Variants in PGM2 observed in about 807,000 individuals in gnomAD.
PGM2 encodes the protein phosphoglucomutase 2.
In PGM2, 57 loss-of-function variants were observed where a neutral mutation model predicts 74.6. The observed-to-expected ratio is 0.76, with a 90% confidence interval of 0.62 to 0.95. PGM2 has a LOEUF of 0.95. Among genes scored for constraint, PGM2 ranks in the 40% least tolerant of loss-of-function variants. The pLI is 0.00. For synonymous variants in PGM2, 273 were observed against 260.7 expected, an observed-to-expected ratio of 1.05 and a Z score of -0.46; for missense variants, 706 against 741.9, an observed-to-expected ratio of 0.95 and a Z score of 0.56.
intron 10 of PGM2, among the ~76,000 whole-genome samples, chr4:37,848,102 C>T (rs1725929130): frequency 6.6e-6 from 1 of 152,170 alleles, no homozygotes; most frequent in Non-Finnish European, 1.5e-5. Flanking sequence ...AAATGGATGG[C>T]ACTGACCTTA....
chr4:37,844,140 A>G (rs1167209490), intron 6 of PGM2, among the ~76,000 whole-genome samples: 1 of 152,192 alleles, frequency 6.6e-6, no homozygotes, highest in Non-Finnish European at 1.5e-5. Context: ...CATAAAACAA[A>G]ACCTGAAATA....
Position 37,850,271 on chromosome 4 carries a change from C to G in PGM2, c.1500C>G (p.Tyr500Ter). 2 of 1,584,072 alleles carry G rather than the reference C, an allele frequency of 1.3e-6. No homozygotes were observed. The highest frequency in any genetic ancestry group is 1.7e-6 in the Non-Finnish European group (2 of 1,168,718). The change falls in exon 12 of 14, where the codon TAC (tyrosine) becomes TAG (stop). Residue 500 changes from tyrosine (Y) to a stop codon, truncating the protein, a stop_gained. Coordinates refer to ENST00000381967, the MANE Select transcript of PGM2 (RefSeq NM_018290.4). LOFTEE classifies it high-confidence loss of function. ...IKKLFENLRN[Y>*]DGKNNYPKAC... ...AATTATTTGAAAACCTCAGAAACTA[C>G]GATGGAAAAAATAATTATCCAAAAG...
rs993209743 is a variant in PGM2 at position 37,862,224 on chromosome 4, C to T, written c.*612C>T. On this transcript the variant is annotated 3_prime_UTR_variant, in exon 14 of 14. Transcript: ENST00000381967. ...TAATGCACATAGGATATTAGTACATCGTACACGTGCTAGGAAAAAACAGCT... is the reference window on the plus strand; with the variant it reads ...TAATGCACATAGGATATTAGTACATTGTACACGTGCTAGGAAAAAACAGCT... 4 of 152,068 alleles carry T rather than the reference C, an allele frequency of 2.6e-5. No homozygotes were observed. The highest frequency in any genetic ancestry group is 1.3e-4 in the Admixed American group (2 of 15,236). 9.4% of individuals were successfully genotyped at this position (152,068 alleles called of 1,614,324 possible).
chr4:37,851,464 G>A (rs1726037673), intron 12 of PGM2, among the ~76,000 whole-genome samples: 1 of 143,780 alleles, frequency 7.0e-6, no homozygotes, highest in African/African-American at 2.5e-5. Flanking sequence ...CACAAAGGTA[G>A]CAGAAGAGTG....
At chr4:37,830,236 G>A (rs1428318073) in intron 2 of PGM2, 105 bp downstream of exon 2, 5 of 793,074 alleles carry the variant, frequency 6.3e-6, no homozygotes, top group Non-Finnish European at 9.3e-6. Flanking sequence ...TACCAGCTTG[G>A]CTAGACACAG....
Position 37,852,163 on chromosome 4 carries a change from G to A in PGM2, c.1602+1790G>A, listed in dbSNP as rs540610885. Among the ~76,000 whole-genome samples the A allele has an allele frequency of 4.4e-4, 52 of 119,180 alleles. 1 individual carries two copies. The East Asian group carries it at 0.012, about 27-fold the overall frequency. The allele number at this position is 119,180 out of a possible 152,430, so 78.2% of individuals were successfully genotyped here. A position where few individuals can be genotyped will look rare whatever the true frequency, so the allele number is the denominator to read the frequency against. The stretch of plus-strand genomic sequence containing the variant: ...TTTTTTTTTTTTTTTTTTTTTTGGA[G>A]GGACGAGTCTCTCCCTAGGTTTCCC... On this transcript the variant is annotated intron_variant, in intron 12 of 13. Coordinates refer to ENST00000381967, the MANE Select transcript of PGM2 (RefSeq NM_018290.4).
intron 4 of PGM2, chr4:37,839,372 C>T: frequency 8.6e-6 from 3 of 349,954 alleles, no homozygotes; most frequent in Non-Finnish European, 1.7e-5. Context: ...GTCTTGGCCT[C>T]TCAAAGTGGT....
In PGM2 at chr4:37,833,184, T is replaced by C. The variant is rs1185599630; in HGVS notation, c.250-1434T>C. Reference sequence around the variant, plus strand: ...GAAGATAATCCCAGTGCAATGTATTTGTCAAGGAAAAGCTAAAGGCATTCT... The same window carrying C: ...GAAGATAATCCCAGTGCAATGTATTCGTCAAGGAAAAGCTAAAGGCATTCT... On this transcript the variant is annotated intron_variant, in intron 2 of 13. Transcript: ENST00000381967. Among the ~76,000 whole-genome samples the C allele has an allele frequency of 2.6e-5, 4 of 152,234 alleles. No homozygotes were observed. In the East Asian group the frequency reaches 7.7e-4, roughly 29 times the overall value.
Position 37,855,754 on chromosome 4 carries a change from T to A in PGM2, c.1736+13T>A. The stretch of plus-strand genomic sequence containing the variant: ...CACCTGGGAACAGGTATGATGTGGA[T>A]GGCAGCTGGTGTGATTTTTACTCCC... On this transcript the variant is annotated intron_variant, in intron 13 of 13. Coordinates refer to ENST00000381967, the MANE Select transcript of PGM2 (RefSeq NM_018290.4). 6.3e-7 allele frequency: 1 copy of A among 1,583,342 alleles called. No individual in the cohort carries two copies.
At position 37,844,550 on chromosome 4, in the gene PGM2, C is replaced by T; in HGVS notation, c.906C>T (p.Val302=). 6.3e-7 allele frequency: 1 copy of T among 1,578,118 alleles called. No homozygotes were observed. The highest frequency in any genetic ancestry group is 8.6e-7 in the Non-Finnish European group (1 of 1,161,800). ...CGAATCCCGAAGAGGGGAAAGGTGT[C>T]TTGGTAACCTAATTTTTTTTTAAAT... ...KYPNPEEGKG[V]LTLSFALADK... Residue 302 remains valine (V), a synonymous_variant, in exon 7 of 14, where the codon GTC becomes GTT. Transcript: ENST00000381967.
At chr4:37,840,483 A>C (rs533782750) in intron 6 of PGM2, among the ~76,000 whole-genome samples, 8 of 152,318 alleles carry the variant, frequency 5.3e-5, no homozygotes, top group African/African-American at 1.9e-4. Flanking sequence ...TCTGGGTTCA[A>C]GCGATTCTTG....
chr4:37,838,091 C>G (rs771088793), intron 4 of PGM2, among the ~76,000 whole-genome samples: 1 of 152,122 alleles, frequency 6.6e-6, no homozygotes, highest in East Asian at 1.9e-4. Context: ...ACGTTGGCCA[C>G]GCTAGTCTCG....
intron 7 of PGM2, among the ~76,000 whole-genome samples, chr4:37,845,280 G>T (rs990582297): frequency 6.6e-6 from 1 of 152,134 alleles, no homozygotes; most frequent in African/African-American, 2.4e-5. Context: ...GGCATTCAGA[G>T]AATCAGTTTA....
chr4:37,832,950 T>A (rs1725474384), intron 2 of PGM2, among the ~76,000 whole-genome samples: 2 of 152,132 alleles, frequency 1.3e-5, no homozygotes, highest in Admixed American at 1.3e-4. Context: ...CAGGTCCTCA[T>A]CCTCAGCAGG....
At position 37,840,202 on chromosome 4, in the gene PGM2, C is replaced by A; in HGVS notation, c.662C>A (p.Pro221Gln). ...LIDSSPLLHN[P>Q]SASINNDYFE... ...GATAGCAGTCCACTTCTCCACAATC[C>A]GAGTGCTTCCATCAATAATGACTAC... is the stretch of plus-strand genomic sequence containing the variant. Residue 221 changes from proline to glutamine, a missense_variant, in exon 6 of 14, where the codon CCG (proline) becomes CAG (glutamine). This residue lies in a region of PGM2 where 332 missense variants were observed against 334.9 expected (regional missense o/e 0.99). Coordinates refer to ENST00000381967, the MANE Select transcript of PGM2 (RefSeq NM_018290.4). 1.2e-6 allele frequency: 2 copies of A among 1,612,710 alleles called. No homozygotes were observed. Among genetic ancestry groups the A allele is most frequent in the Non-Finnish European group, 1.7e-6 (2 of 1,178,720 alleles).
intron 6 of PGM2, among the ~76,000 whole-genome samples, chr4:37,843,634 A>G (rs1281464893): frequency 6.7e-6 from 1 of 149,348 alleles, no homozygotes; most frequent in Non-Finnish European, 1.5e-5. Flanking sequence ...CCTGAGACGG[A>G]GTTTCGCTCT....
At chr4:37,852,133 CT>C (rs778968323) in intron 12 of PGM2, among the ~76,000 whole-genome samples, 2,737 of 47,244 alleles carry the variant, frequency 0.058, 48 homozygotes, top group African/African-American at 0.14. Context: ...ATGCCCAGCT[CT>C]TTTTTTTTTT....
rs369252337 is a variant in PGM2, at chr4:37,845,621, A to G, written c.910-12A>G. 2.9e-5 allele frequency: 45 copies of G among 1,557,952 alleles called. No individual in the cohort carries two copies. Among genetic ancestry groups the G allele is most frequent in the Non-Finnish European group, 3.6e-5 (41 of 1,129,090 alleles). ...TGATTAAATAATCTTTTATTTTCAT[A>G]TTCTTCTTCAGACTTTGTCTTTTGC... On this transcript the variant is annotated splice_polypyrimidine_tract_variant and intron_variant, in intron 7 of 13. Transcript: ENST00000381967.
chr4:37,859,950 C>T (rs2152182924), intron 13 of PGM2, among the ~76,000 whole-genome samples: 1 of 152,188 alleles, frequency 6.6e-6, no homozygotes, highest in African/African-American at 2.4e-5. Flanking sequence ...ATTAATTTAA[C>T]AAATGGAACA....
Sources: gnomAD v4.1 joint callset for allele counts (sites outside exome capture counted in the v4.1 genomes callset) on GRCh38, gnomAD v4.1.1 for gene constraint, gnomAD v4.1.1 regional missense constraint, MANE v1.5 for transcripts, NCBI Gene and HGNC (gene_info 2026-07-23, HGNC 2026-07-21) for gene names.